Variants in RPL39L observed in about 807,000 individuals in gnomAD.
RPL39L encodes ribosomal protein L39 like.
For missense variants in RPL39L, 48 were observed against 58.9 expected (o/e 0.81, Z 0.61); for synonymous variants, 16 against 20.1 (o/e 0.80, Z 0.55).
chr3:187,138,364 T>C (rs1720621323), intron 1 of RPL39L, among the ~76,000 whole-genome samples: 1 of 152,206 alleles, frequency 6.6e-6, no homozygotes, highest in Non-Finnish European at 1.5e-5. Context: ...TTGAAGCTAG[T>C]CCTGGTCAGG....
chr3:187,130,502 C>T (rs918621894), intron 1 of RPL39L, among the ~76,000 whole-genome samples: 3 of 152,102 alleles, frequency 2.0e-5, no homozygotes, highest in African/African-American at 7.2e-5. Flanking sequence ...TGGTACTTCC[C>T]TTTCCCCAAC....
intron 1 of RPL39L, among the ~76,000 whole-genome samples, chr3:187,135,114 T>C (rs1720551807): frequency 6.6e-6 from 1 of 152,242 alleles, no homozygotes; most frequent in East Asian, 1.9e-4. Flanking sequence ...GGCTGTGTGA[T>C]GGTAGATCCT....
At chr3:187,135,679 G>C (rs529966216) in intron 1 of RPL39L, among the ~76,000 whole-genome samples, 1 of 152,344 alleles carries the variant, frequency 6.6e-6, no homozygotes, top group South Asian at 2.1e-4. Flanking sequence ...TCGTGGGTGA[G>C]GTAGCTCACA....
At chr3:187,136,588 T>C (rs982449526) in intron 1 of RPL39L, among the ~76,000 whole-genome samples, 5 of 152,132 alleles carry the variant, frequency 3.3e-5, no homozygotes, top group Non-Finnish European at 5.9e-5. Context: ...ATGGATCGCA[T>C]AGGATAAGAG....
intron 1 of RPL39L, among the ~76,000 whole-genome samples, chr3:187,129,771 G>A (rs1193224525): frequency 6.6e-6 from 1 of 151,584 alleles, no homozygotes; most frequent in Non-Finnish European, 1.5e-5. Flanking sequence ...TAAAATTGCT[G>A]CATTATATTT....
At chr3:187,129,856 T>TC in intron 1 of RPL39L, among the ~76,000 whole-genome samples, 1 of 139,224 alleles carries the variant, frequency 7.2e-6, no homozygotes, top group East Asian at 2.0e-4. Context: ...TTTTTTTTTT[T>TC]TTCTTTTTTG....
At chr3:187,123,197 G>C (rs1044992858) in intron 2 of RPL39L, among the ~76,000 whole-genome samples, 1 of 152,222 alleles carries the variant, frequency 6.6e-6, no homozygotes, top group Non-Finnish European at 1.5e-5. Flanking sequence ...ACTTTCAGGA[G>C]CAGGAGACTT....
intron 2 of RPL39L, among the ~76,000 whole-genome samples, chr3:187,125,240 T>C (rs1445189381): frequency 3.3e-5 from 5 of 152,246 alleles, no homozygotes; most frequent in South Asian, 4.1e-4. Context: ...TGGAAATTTA[T>C]ACTAAGAAAT....
chr3:187,121,319 C>A lies in RPL39L; in HGVS notation c.-19G>T. ...AAGACATGGCGAGAAACAGAGTCAA[C>A]CACACACCACTATGGCGGAGAAAGG... On this transcript the variant is annotated 5_prime_UTR_variant, in exon 3 of 3. Transcript: ENST00000296277. 1 of 1,613,532 alleles carries A rather than the reference C, an allele frequency of 6.2e-7. No individual in the cohort carries two copies. Among genetic ancestry groups the A allele is most frequent in the Non-Finnish European group, 8.5e-7 (1 of 1,179,644 alleles).
intron 1 of RPL39L, among the ~76,000 whole-genome samples, chr3:187,137,198 CAA>C (rs33967617): frequency 0.012 from 444 of 37,612 alleles, 2 homozygotes; most frequent in African/African-American, 0.032. Flanking sequence ...CACTCTTCCT[CAA>C]AAAAAAAAAA....
At chr3:187,129,241 G>A (rs771876490) in intron 1 of RPL39L, among the ~76,000 whole-genome samples, 2 of 152,186 alleles carry the variant, frequency 1.3e-5, no homozygotes, top group Non-Finnish European at 2.9e-5. Flanking sequence ...TCCTGAGCAG[G>A]TAGAACAACG....
chr3:187,126,954 A>G (rs571437903), intron 2 of RPL39L, among the ~76,000 whole-genome samples: 1 of 152,334 alleles, frequency 6.6e-6, no homozygotes, highest in Admixed American at 6.5e-5. Context: ...TGTCCAGGAA[A>G]TATCAAACTT....
At chr3:187,127,203 TG>T (rs1446372743) in intron 2 of RPL39L, among the ~76,000 whole-genome samples, 1 of 152,232 alleles carries the variant, frequency 6.6e-6, no homozygotes, top group Non-Finnish European at 1.5e-5. Context: ...CCAGCATCTG[TG>T]TTTTAAAAGC....
chr3:187,131,539 TAAAAC>T (rs1330832780), intron 1 of RPL39L, among the ~76,000 whole-genome samples: 1 of 152,114 alleles, frequency 6.6e-6, no homozygotes, highest in East Asian at 1.9e-4. Context: ...CCTTCTCATT[TAAAAC>T]AAAACAAAAC....
chr3:187,123,660 A>G (rs1306478371), intron 2 of RPL39L, among the ~76,000 whole-genome samples: 1 of 152,136 alleles, frequency 6.6e-6, no homozygotes, highest in Non-Finnish European at 1.5e-5. Flanking sequence ...GAGTCTTAAC[A>G]CCCTCTCCCT....
chr3:187,133,981 T>C (rs1473868885), intron 1 of RPL39L, among the ~76,000 whole-genome samples: 1 of 152,026 alleles, frequency 6.6e-6, no homozygotes, highest in Admixed American at 6.6e-5. Flanking sequence ...TGGCATTTGA[T>C]AAAATATTAT....
At chr3:187,128,402 C>T (rs1720433746) in intron 1 of RPL39L, among the ~76,000 whole-genome samples, 1 of 152,158 alleles carries the variant, frequency 6.6e-6, no homozygotes. Context: ...CTTCAAAAAA[C>T]AGTAATATTT....
rs1720649029 is a variant in RPL39L, at chr3:187,139,356, C to T, written c.-236G>A. On this transcript the variant is annotated 5_prime_UTR_variant, in exon 1 of 3. Transcript: ENST00000296277. ...AACCCGCTCCGTCGTCCTGACGCCCCCGGCCTAGCTGCAGCCACCTTGTCG... is the reference window on the plus strand; with the variant it reads ...AACCCGCTCCGTCGTCCTGACGCCCTCGGCCTAGCTGCAGCCACCTTGTCG... 6.6e-6 allele frequency: 1 copy of T among 152,382 alleles called. No individual in the cohort carries two copies. 9.4% of individuals were successfully genotyped at this position (152,382 alleles called of 1,614,324 possible). A position where few individuals can be genotyped will look rare whatever the true frequency, so the allele number is the denominator to read the frequency against.
chr3:187,121,613 T>C (rs1720310954), intron 2 of RPL39L, among the ~76,000 whole-genome samples: 1 of 152,188 alleles, frequency 6.6e-6, no homozygotes, highest in South Asian at 2.1e-4. Flanking sequence ...TCTGCTTCTC[T>C]TGTTAAATGT....
Sources: gnomAD v4.1 joint callset for allele counts (sites outside exome capture counted in the v4.1 genomes callset) on GRCh38, gnomAD v4.1.1 for gene constraint, MANE v1.5 for transcripts, NCBI Gene and HGNC (gene_info 2026-07-23, HGNC 2026-07-21) for gene names.